The following SPAG9 variants were observed in gnomAD, a reference collection of about 807,000 sequenced individuals.
SPAG9 encodes sperm associated antigen 9, also known as C-Jun-amino-terminal kinase-interacting protein 4.
SPAG9 carries 35 observed loss-of-function variants against 166.5 expected under a neutral mutation model. The ratio of observed to expected loss-of-function variants is 0.21; its 90% CI spans 0.16 to 0.28. SPAG9 has a LOEUF of 0.28. Among genes scored for constraint, SPAG9 ranks in the 10% least tolerant of loss-of-function variants. The pLI is 1.00. For synonymous variants in SPAG9, 534 were observed against 565.5 expected, an observed-to-expected ratio of 0.94 and a Z score of 0.79; for missense variants, 1,235 against 1,603.3, an observed-to-expected ratio of 0.77 and a Z score of 3.92.
At chr17:50,986,817 T>C (rs1304606673) in intron 22 of SPAG9, among the ~76,000 whole-genome samples, 1 of 152,194 alleles carries the variant, frequency 6.6e-6, no homozygotes, top group Non-Finnish European at 1.5e-5. Flanking sequence ...CTTTGTGCTG[T>C]TCAGGATCTT....
intron 2 of SPAG9, among the ~76,000 whole-genome samples, chr17:51,071,708 T>C (rs1394935655): frequency 1.3e-5 from 2 of 152,260 alleles, no homozygotes; most frequent in African/African-American, 2.4e-5. Flanking sequence ...CCTATTTCTT[T>C]ACTTTTTCTT....
chr17:51,117,708 C>CA (rs397856959), intron 1 of SPAG9, among the ~76,000 whole-genome samples: 6,954 of 40,790 alleles, frequency 0.17, 725 homozygotes, highest in Non-Finnish European at 0.21. Flanking sequence ...GACTCCGTCT[C>CA]AAAAAAAAAA....
intron 24 of SPAG9, among the ~76,000 whole-genome samples, chr17:50,984,099 G>T (rs1390450845): frequency 6.6e-6 from 1 of 152,052 alleles, no homozygotes; most frequent in Non-Finnish European, 1.5e-5. Context: ...GTTGACACAA[G>T]TACCAAGGAG....
rs571093321 is a variant in SPAG9 at position 51,035,892 on chromosome 17, C to T, written c.742-4170G>A. 6.6e-5 allele frequency among the ~76,000 whole-genome samples: 10 copies of T among 152,288 alleles called. No homozygotes were observed. In the South Asian group the frequency reaches 2.1e-3, roughly 32 times the overall value. Reference sequence around the variant, plus strand: ...GAGTACATATGTATACACATGCATACATGTGTGTGCATGTTCTATGCCAGC... The same window carrying T: ...GAGTACATATGTATACACATGCATATATGTGTGTGCATGTTCTATGCCAGC... On this transcript the variant is annotated intron_variant, in intron 5 of 29. Transcript: ENST00000262013.
intron 1 of SPAG9, among the ~76,000 whole-genome samples, chr17:51,096,890 A>T (rs1247295147): frequency 6.6e-6 from 1 of 152,220 alleles, no homozygotes; most frequent in Non-Finnish European, 1.5e-5. Flanking sequence ...TAGAATCTCC[A>T]GAGAGATGTC....
At position 50,982,519 on chromosome 17, in the gene SPAG9, C is replaced by T; in HGVS notation, c.3237+5G>A. 1 of 1,606,598 alleles carries T rather than the reference C, an allele frequency of 6.2e-7. No individual in the cohort carries two copies. The highest frequency in any genetic ancestry group is 8.5e-7 in the Non-Finnish European group (1 of 1,177,712). ...AAATACAGAAAACATAGGCTAATAACTTGCCTCTATTTTCATGGCCTTTGG... is the reference window on the plus strand; with the variant it reads ...AAATACAGAAAACATAGGCTAATAATTTGCCTCTATTTTCATGGCCTTTGG... On this transcript the variant is annotated splice_donor_5th_base_variant and intron_variant, in intron 25 of 29. Transcript: ENST00000262013.
intron 25 of SPAG9, 116 bp downstream of exon 25, chr17:50,982,408 C>T: frequency 1.1e-6 from 1 of 891,706 alleles, no homozygotes; most frequent in Non-Finnish European, 1.7e-6. Flanking sequence ...TACTCAAGTG[C>T]CCTAAAACAC....
At chr17:51,009,358 T>C (rs1374208815) in intron 9 of SPAG9, among the ~76,000 whole-genome samples, 2 of 152,226 alleles carry the variant, frequency 1.3e-5, no homozygotes, top group South Asian at 2.1e-4. Flanking sequence ...TCCTATAATA[T>C]AGTTTCTAAA....
At chr17:51,054,827 C>A (rs574253770) in intron 3 of SPAG9, among the ~76,000 whole-genome samples, 14 of 152,198 alleles carry the variant, frequency 9.2e-5, no homozygotes, top group African/African-American at 3.4e-4. Context: ...CATGGACCAT[C>A]CTTTCCATCT....
Position 51,020,196 on chromosome 17 carries a change from C to A in SPAG9, c.1054G>T (p.Asp352Tyr). 6.2e-7 allele frequency: 1 copy of A among 1,613,564 alleles called. No individual in the cohort carries two copies. Among genetic ancestry groups the A allele is most frequent in the Non-Finnish European group, 8.5e-7 (1 of 1,179,580 alleles). The change falls in exon 8 of 30, where the codon GAT becomes TAT. Residue 352 changes from aspartate (D) to tyrosine (Y), a missense_variant. Physicochemically the swap from Asp to Tyr is radical, Grantham distance 160. Transcript: ENST00000262013. ...TATCCACTGAGATCTTTGTCCATAT[C>A]CAGCTCAGGAGTAGATTCGATGATT... is the stretch of plus-strand genomic sequence containing the variant. ...QAIIESTPELDMDKDLSGYKG... is the reference protein window; with the variant it reads ...QAIIESTPELYMDKDLSGYKG...
At chr17:51,019,858 A>C (rs1355338249) in intron 8 of SPAG9, among the ~76,000 whole-genome samples, 1 of 152,220 alleles carries the variant, frequency 6.6e-6, no homozygotes, top group Non-Finnish European at 1.5e-5. Context: ...GTCTCAAAAA[A>C]ATAAACAAAT....
intron 19 of SPAG9, 35 bp from the exon 20 acceptor site, chr17:50,990,703 A>G: frequency 6.5e-7 from 1 of 1,541,176 alleles, no homozygotes; most frequent in Non-Finnish European, 9.0e-7. Flanking sequence ...AGCAAAGTAA[A>G]CTTCTATAAA....
intron 9 of SPAG9, among the ~76,000 whole-genome samples, chr17:51,011,572 G>C (rs2045485962): frequency 6.6e-6 from 1 of 151,908 alleles, no homozygotes; most frequent in Non-Finnish European, 1.5e-5. Context: ...TAGTAGAGAT[G>C]GGGTTTCACC....
At chr17:51,000,531 C>T (rs545548699) in intron 13 of SPAG9, among the ~76,000 whole-genome samples, 97 of 152,030 alleles carry the variant, frequency 6.4e-4, no homozygotes, top group Non-Finnish European at 2.9e-4. Context: ...GTCAAAAGTT[C>T]GAGACCAGCC....
chr17:50,974,045 C>T (rs191327026), intron 28 of SPAG9, among the ~76,000 whole-genome samples: 4 of 152,302 alleles, frequency 2.6e-5, no homozygotes, highest in Non-Finnish European at 4.4e-5. Context: ...ATCTGAACTT[C>T]GTCTAGCTCC....
rs763014514 is a variant in SPAG9 at position 51,021,324 on chromosome 17, G to T, written c.825C>A (p.Thr275=). 16 of 1,613,734 alleles carry T rather than the reference G, an allele frequency of 9.9e-6. No individual in the cohort carries two copies. Among genetic ancestry groups the T allele is most frequent in the African/African-American group, 8.0e-5 (6 of 74,870 alleles). The change falls in exon 7 of 30, where the codon ACC becomes ACA. Residue 275 remains threonine (T), a synonymous_variant. Transcript: ENST00000262013. ...CTGAATTAGCTGTTGATGCTGGAGTGGTAGCTTTAGATCCGCCTTGGCTAA... is the reference window on the plus strand; with the variant it reads ...CTGAATTAGCTGTTGATGCTGGAGTTGTAGCTTTAGATCCGCCTTGGCTAA... ...SDVSQGGSKA[T]TPASTANSDV...
chr17:51,103,780 G>C (rs2048868220), intron 1 of SPAG9, among the ~76,000 whole-genome samples: 1 of 152,196 alleles, frequency 6.6e-6, no homozygotes, highest in Admixed American at 6.6e-5. Flanking sequence ...ATTTTGGAGA[G>C]ATGGGCGGTT....
At chr17:51,051,563 T>C (rs923285119) in intron 3 of SPAG9, among the ~76,000 whole-genome samples, 2 of 152,122 alleles carry the variant, frequency 1.3e-5, no homozygotes, top group Non-Finnish European at 2.9e-5. Context: ...CTACTAAAAA[T>C]ACAAAAAGTA....
chr17:51,054,637 C>T (rs879317147), intron 3 of SPAG9, among the ~76,000 whole-genome samples: 7 of 151,512 alleles, frequency 4.6e-5, no homozygotes, highest in African/African-American at 7.3e-5. Flanking sequence ...GGGGTTTCAC[C>T]GTGTTAGCCA....
Sources: allele counts gnomAD v4.1 joint callset (sites outside exome capture counted in the v4.1 genomes callset), GRCh38; gene constraint gnomAD v4.1.1; transcripts MANE v1.5; gene names NCBI Gene and HGNC (gene_info 2026-07-23, HGNC 2026-07-21).